RREB1: variants seen among roughly 807,000 people sequenced by gnomAD.
RREB1 encodes the protein ras-responsive element-binding protein 1.
RREB1 carries 27 observed loss-of-function variants against 117.8 expected under a neutral mutation model. The ratio of observed to expected loss-of-function variants is 0.23; its 90% CI spans 0.17 to 0.32. The LOEUF (loss-of-function observed/expected upper bound fraction) is 0.32. Ranked by LOEUF, RREB1 falls within the 10% of genes least tolerant of loss-of-function variation. The probability of loss-of-function intolerance (pLI) is 1.00; values close to 1 mark genes in which losing one functional copy is unlikely to be tolerated. For missense variants in RREB1, 2,577 were observed against 2,378.2 expected (o/e 1.08, Z -1.74); for synonymous variants, 1,298 against 1,026.7 (o/e 1.26, Z -5.05).
At chr6:7,114,990 C>CTT (rs35732894) in intron 1 of RREB1, among the ~76,000 whole-genome samples, 164 of 146,768 alleles carry the variant, frequency 1.1e-3, no homozygotes, top group African/African-American at 2.3e-3. Context: ...TGGAGTATAC[C>CTT]TTTTTTTTTT....
At chr6:7,123,785 G>T (rs1290955834) in intron 1 of RREB1, among the ~76,000 whole-genome samples, 2 of 151,798 alleles carry the variant, frequency 1.3e-5, no homozygotes, top group African/African-American at 4.8e-5. Flanking sequence ...TAATTTTTTT[G>T]TATTTTTAAT....
chr6:7,241,576 G>A (rs2113170844), intron 11 of RREB1, among the ~76,000 whole-genome samples: 1 of 152,296 alleles, frequency 6.6e-6, no homozygotes, highest in Admixed American at 6.5e-5. Flanking sequence ...GAGATGGGGT[G>A]CCCTGTAGTT....
intron 10 of RREB1, among the ~76,000 whole-genome samples, chr6:7,236,757 G>A (rs1238311047): frequency 1.3e-5 from 2 of 150,998 alleles, no homozygotes; most frequent in Non-Finnish European, 2.9e-5. Context: ...TTATCTTGGA[G>A]GCCAAGGCCC....
At position 7,187,481 on chromosome 6, in the gene RREB1, G is replaced by T. The variant is rs1765142540; in HGVS notation, c.219G>T (p.Lys73Asn). 2 of 1,606,274 alleles carry T rather than the reference G, an allele frequency of 1.2e-6. No homozygotes were observed. ...KSSYNCPLCE[K>N]ICTTQHQLTM... The stretch of plus-strand genomic sequence containing the variant: ...CCTATAACTGCCCCCTGTGTGAGAA[G>T]ATTTGCACTACCCAGCACCAGCTGA... The change falls in exon 5 of 13, where the codon AAG becomes AAT. Residue 73 changes from lysine (K) to asparagine (N), a missense_variant. Coordinates refer to ENST00000379938, the MANE Select transcript of RREB1 (RefSeq NM_001003699.4).
chr6:7,120,241 G>A (rs1318277360), intron 1 of RREB1, among the ~76,000 whole-genome samples: 1 of 151,984 alleles, frequency 6.6e-6, no homozygotes, highest in East Asian at 1.9e-4. Context: ...CCTTGAGGTC[G>A]GGAGTTTGAG....
intron 1 of RREB1, among the ~76,000 whole-genome samples, chr6:7,143,151 G>GGCTT (rs1262213640): frequency 6.6e-6 from 1 of 152,228 alleles, no homozygotes. Flanking sequence ...GATGCTGGCT[G>GGCTT]GCTTGCTTGC....
intron 1 of RREB1, among the ~76,000 whole-genome samples, chr6:7,125,473 C>A (rs940060143): frequency 6.6e-6 from 1 of 152,166 alleles, no homozygotes; most frequent in African/African-American, 2.4e-5. Context: ...CTCTTGAAAC[C>A]TTTCATGTGG....
intron 1 of RREB1, among the ~76,000 whole-genome samples, chr6:7,149,458 T>C (rs1268047672): frequency 6.6e-6 from 1 of 152,100 alleles, no homozygotes; most frequent in African/African-American, 2.4e-5. Flanking sequence ...AACTAAGACT[T>C]ACTGTAAAAA....
intron 1 of RREB1, among the ~76,000 whole-genome samples, chr6:7,154,546 A>G (rs912808922): frequency 6.6e-6 from 1 of 152,240 alleles, no homozygotes; most frequent in Admixed American, 6.5e-5. Context: ...TGTGTGCCAG[A>G]CAGGTTTTAG....
chr6:7,248,067 G>T (rs957395179), intron 12 of RREB1, among the ~76,000 whole-genome samples: 1 of 152,214 alleles, frequency 6.6e-6, no homozygotes, highest in Admixed American at 6.5e-5. Flanking sequence ...GGCCTGGCGT[G>T]TGAGCCATCA....
At chr6:7,224,282 C>T (rs1309093959) in intron 8 of RREB1, among the ~76,000 whole-genome samples, 1 of 152,058 alleles carries the variant, frequency 6.6e-6, no homozygotes, top group Non-Finnish European at 1.5e-5. Flanking sequence ...ATAAATATTG[C>T]ATTATATATC....
chr6:7,167,623 T>C (rs751834007), intron 1 of RREB1, among the ~76,000 whole-genome samples: 10 of 152,112 alleles, frequency 6.6e-5, no homozygotes, highest in Non-Finnish European at 2.9e-5. Context: ...GAGCCACCGC[T>C]CCCGGCCGGG....
chr6:7,161,999 A>T (rs769059072), intron 1 of RREB1, among the ~76,000 whole-genome samples: 2 of 152,178 alleles, frequency 1.3e-5, no homozygotes, highest in South Asian at 2.1e-4. Flanking sequence ...GAGCAACAGG[A>T]TAAAGTTCAT....
At chr6:7,195,469 C>G (rs1224972717) in intron 6 of RREB1, among the ~76,000 whole-genome samples, 1 of 152,156 alleles carries the variant, frequency 6.6e-6, no homozygotes, top group Non-Finnish European at 1.5e-5. Flanking sequence ...GAGCTGTGAT[C>G]TCTCCCAAGC....
chr6:7,122,324 G>T (rs1356300618), intron 1 of RREB1, among the ~76,000 whole-genome samples: 1 of 152,210 alleles, frequency 6.6e-6, no homozygotes, highest in Non-Finnish European at 1.5e-5. Context: ...GGAGTCCAGT[G>T]TTGTGATCAC....
chr6:7,247,307 AGG>A, intron 12 of RREB1, 86 bp downstream of exon 12: 5 of 1,227,612 alleles, frequency 4.1e-6, no homozygotes, highest in Non-Finnish European at 2.2e-6. Context: ...GCGGCGCTGG[AGG>A]CCACCGAGAG....
intron 1 of RREB1, among the ~76,000 whole-genome samples, chr6:7,157,388 C>T (rs891196193): frequency 1.3e-5 from 2 of 151,360 alleles, no homozygotes; most frequent in Non-Finnish European, 2.9e-5. Flanking sequence ...GAGCCAAGAT[C>T]GTGCAGCTGC....
intron 6 of RREB1, among the ~76,000 whole-genome samples, chr6:7,192,252 G>T (rs1319880590): frequency 6.6e-6 from 1 of 151,446 alleles, no homozygotes; most frequent in Non-Finnish European, 1.5e-5. Flanking sequence ...GAGTGCAGTG[G>T]CGTGATCTCG....
At chr6:7,233,271 T>C (rs1768111934) in intron 10 of RREB1, among the ~76,000 whole-genome samples, 1 of 152,254 alleles carries the variant, frequency 6.6e-6, no homozygotes, top group Non-Finnish European at 1.5e-5. Flanking sequence ...GAATATACTT[T>C]AAATAATTTT....
Sources: gnomAD v4.1 joint callset for allele counts (sites outside exome capture counted in the v4.1 genomes callset) on GRCh38, gnomAD v4.1.1 for gene constraint, MANE v1.5 for transcripts, NCBI Gene and HGNC (gene_info 2026-07-23, HGNC 2026-07-21) for gene names.